Variants in CREB3L3 observed in about 807,000 individuals in gnomAD.
CREB3L3 encodes cAMP responsive element binding protein 3 like 3.
In CREB3L3, 40 loss-of-function variants were observed where a neutral mutation model predicts 44.6. The ratio of observed to expected loss-of-function variants is 0.90; its 90% CI spans 0.70 to 1.17. The LOEUF (loss-of-function observed/expected upper bound fraction) is 1.17. Ranked by LOEUF, CREB3L3 falls within the 50% of genes most tolerant of loss-of-function variation. CREB3L3 has a pLI of 0.00. For missense variants in CREB3L3, 578 were observed against 595.8 expected (o/e 0.97, Z 0.31); for synonymous variants, 273 against 256.3 (o/e 1.06, Z -0.62).
chr19:4,171,720 C>T lies in CREB3L3; in HGVS notation c.1137C>T (p.Ser379=), dbSNP rs559872653. 16 of 1,613,260 alleles carry T rather than the reference C, an allele frequency of 9.9e-6. No individual in the cohort carries two copies. In the East Asian group the frequency reaches 2.7e-4, roughly 27 times the overall value. The change falls in exon 10 of 10, where the codon TCC becomes TCT. Residue 379 remains serine, a synonymous_variant. Transcript: ENST00000078445. This position sits in a 1 kb window ranked among gnomAD's most constrained non-coding sequence, Gnocchi z 4.9. ...TGGCTGCTGATGCTGTGCCAGGCTC[C>T]GAGGCCCCAGGACCCCGACCCGAGG... ...SRVAADAVPG[S]EAPGPRPEAD...
chr19:4,168,574 C>A, intron 6 of CREB3L3, 117 bp downstream of exon 6: 2 of 749,472 alleles, frequency 2.7e-6, no homozygotes, highest in Non-Finnish European at 4.6e-6. Flanking sequence ...TGATTCTCCT[C>A]TCTGGGAGAG....
At chr19:4,163,695 T>C (rs1402340671) in intron 4 of CREB3L3, among the ~76,000 whole-genome samples, 1 of 151,884 alleles carries the variant, frequency 6.6e-6, no homozygotes, top group Non-Finnish European at 1.5e-5. Context: ...GTATTTTTAA[T>C]GGAGACAGGG....
rs66603362 is a variant in CREB3L3 at position 4,159,512 on chromosome 19, C to T, written c.458-152C>T. 0.14 allele frequency: 90,200 copies of T among 666,810 alleles called. 6,641 individuals are homozygous for T. Among genetic ancestry groups the T allele is most frequent in the Non-Finnish European group, 0.16 (57,933 of 364,966 alleles). 41.3% of individuals were successfully genotyped at this position (666,810 alleles called of 1,614,324 possible). A position where few individuals can be genotyped will look rare whatever the true frequency, so the allele number is the denominator to read the frequency against. On this transcript the variant is annotated intron_variant, in intron 3 of 9. Coordinates refer to ENST00000078445, the MANE Select transcript of CREB3L3 (RefSeq NM_032607.3). The stretch of plus-strand genomic sequence containing the variant: ...CTAGTGAGGGCTGCCCCCTTCAACT[C>T]AGGCCTTGGGGACTCCAAACTCTGG...
At chr19:4,165,801 C>T (rs560073741) in intron 5 of CREB3L3, among the ~76,000 whole-genome samples, 35 of 152,038 alleles carry the variant, frequency 2.3e-4, no homozygotes, top group Non-Finnish European at 3.1e-4. Context: ...CCCTTGAACC[C>T]GGGAGGTGGA....
At chr19:4,167,410 GAAAAGAAAGAAAA>G (rs1966932788) in intron 5 of CREB3L3, among the ~76,000 whole-genome samples, 1 of 132,008 alleles carries the variant, frequency 7.6e-6, no homozygotes, top group Non-Finnish European at 1.7e-5. Context: ...AGAAAGAAAG[GAAAAGAAAGAAAA>G]GAAAGAAAGA....
chr19:4,155,237 G>GTTCCC (rs2041556851), intron 2 of CREB3L3, among the ~76,000 whole-genome samples: 1 of 152,208 alleles, frequency 6.6e-6, no homozygotes, highest in African/African-American at 2.4e-5. Context: ...GAGGCCCAGA[G>GTTCCC]CAGGGTGGAA....
intron 3 of CREB3L3, among the ~76,000 whole-genome samples, 186 bp from the exon 4 acceptor site, chr19:4,159,478 A>G (rs904315940): frequency 2.6e-5 from 4 of 152,086 alleles, no homozygotes; most frequent in Admixed American, 6.6e-5. Flanking sequence ...CAGAGGGGAG[A>G]CCGAGTCACT....
At position 4,171,441 on chromosome 19, in the gene CREB3L3, A is replaced by G; in HGVS notation, c.1034A>G (p.Asn345Ser). ...CCCTCCATCAGCCCTTTTGGCCCCAACAAAACCGAGAGCCCTGGGGACTTT... is the reference window on the plus strand; with the variant it reads ...CCCTCCATCAGCCCTTTTGGCCCCAGCAAAACCGAGAGCCCTGGGGACTTT... ...ILPSISPFGP[N>S]KTESPGDFAP... Residue 345 changes from asparagine (N) to serine (S), a missense_variant, in exon 9 of 10, where the codon AAC (asparagine) becomes AGC (serine). Asn to Ser is a conservative substitution (Grantham distance 46, BLOSUM62 1). Coordinates refer to ENST00000078445, the MANE Select transcript of CREB3L3 (RefSeq NM_032607.3). This position sits in a 1 kb window ranked among gnomAD's most constrained non-coding sequence, Gnocchi z 4.9. 1.2e-6 allele frequency: 2 copies of G among 1,614,044 alleles called. No homozygotes were observed. The highest frequency in any genetic ancestry group is 1.7e-6 in the Non-Finnish European group (2 of 1,179,980).
Position 4,164,602 on chromosome 19 carries a change from G to A in CREB3L3, c.676G>A (p.Glu226Lys), listed in dbSNP as rs760045226. 6.2e-7 allele frequency: 1 copy of A among 1,614,126 alleles called. No homozygotes were observed. The highest frequency in any genetic ancestry group is 8.5e-7 in the Non-Finnish European group (1 of 1,180,042). ...TEDEKKLLAKEGITLPTQLPL... is the reference protein window; with the variant it reads ...TEDEKKLLAKKGITLPTQLPL... ...GGATGAGAAGAAGCTGCTGGCTAAA[G>A]AAGGCATCACCCTGCCCACTCAGCT... Residue 226 changes from glutamate to lysine, a missense_variant, in exon 5 of 10, where the codon GAA (glutamate) becomes AAA (lysine). Glu to Lys is a moderately conservative substitution (Grantham distance 56, BLOSUM62 1). Coordinates refer to ENST00000078445, the MANE Select transcript of CREB3L3 (RefSeq NM_032607.3).
chr19:4,164,877 TTTTGTATC>T (rs2041706036), intron 5 of CREB3L3, among the ~76,000 whole-genome samples: 1 of 151,818 alleles, frequency 6.6e-6, no homozygotes, highest in Non-Finnish European at 1.5e-5. Context: ...CCCAGCTAAT[TTTTGTATC>T]TTTAGTAGAG....
intron 2 of CREB3L3, 75 bp downstream of exon 2, chr19:4,155,102 G>T: frequency 6.4e-7 from 1 of 1,574,342 alleles, no homozygotes; most frequent in Non-Finnish European, 8.6e-7. Flanking sequence ...GAAGGTGCTA[G>T]ACCCGCCAGA....
intron 4 of CREB3L3, among the ~76,000 whole-genome samples, chr19:4,163,351 AGAAGGAAGGAAGGAAGGAAG>A (rs1555703364): frequency 7.7e-5 from 9 of 117,262 alleles, no homozygotes; most frequent in African/African-American, 2.0e-4. Context: ...AAAGAAAGAA[AGAAGGAAGGAAGGAAGGAAG>A]GAAAGAAAGA....
chr19:4,158,412 A>T (rs1334237624), intron 3 of CREB3L3, among the ~76,000 whole-genome samples: 2 of 151,774 alleles, frequency 1.3e-5, no homozygotes, highest in Non-Finnish European at 2.9e-5. Flanking sequence ...CAGGAGAATC[A>T]CCTGAACCCG....
Position 4,172,697 on chromosome 19 carries a change from A to G in CREB3L3, c.*728A>G, listed in dbSNP as rs1967085045. ...CAGACACAGCCTGAAACAGACCCAGACAGACAGACAGACACAGCCTGAAAC... is the reference window on the plus strand; with the variant it reads ...CAGACACAGCCTGAAACAGACCCAGGCAGACAGACAGACACAGCCTGAAAC... On this transcript the variant is annotated 3_prime_UTR_variant, in exon 10 of 10. Transcript: ENST00000078445. The G allele has an allele frequency of 8.9e-6, 2 of 225,454 alleles. No homozygotes were observed. Among genetic ancestry groups the G allele is most frequent in the Non-Finnish European group, 1.8e-5 (2 of 113,370 alleles). 14.0% of individuals were successfully genotyped at this position (225,454 alleles called of 1,614,324 possible).
chr19:4,155,050 C>T, intron 2 of CREB3L3, 23 bp downstream of exon 2: 2 of 1,601,810 alleles, frequency 1.2e-6, no homozygotes, highest in Non-Finnish European at 1.7e-6. Flanking sequence ...CTGCAGTTGC[C>T]CCGGGACCAC....
In CREB3L3 at chr19:4,171,640, C is replaced by T. The variant is rs1355922457; in HGVS notation, c.1073-16C>T. ...CCTCCACCTTGTCCCCTGTGATGCC[C>T]CCCTTCCCCAATCAGTGTTCTCCAG... is the stretch of plus-strand genomic sequence containing the variant. On this transcript the variant is annotated splice_polypyrimidine_tract_variant and intron_variant, in intron 9 of 9. Transcript: ENST00000078445. The surrounding 1 kb of genome is among the most constrained non-coding windows in gnomAD (Gnocchi z 4.9). 1.2e-6 allele frequency: 2 copies of T among 1,613,194 alleles called. No individual in the cohort carries two copies. The highest frequency in any genetic ancestry group is 1.1e-5 in the South Asian group (1 of 91,064).
chr19:4,164,200 CCT>C (rs1200259800), intron 4 of CREB3L3, among the ~76,000 whole-genome samples: 3 of 151,774 alleles, frequency 2.0e-5, no homozygotes, highest in African/African-American at 7.3e-5. Flanking sequence ...GTCTCAAACT[CCT>C]GACCTAGTGA....
chr19:4,161,551 T>A (rs746933166), intron 4 of CREB3L3, among the ~76,000 whole-genome samples: 1 of 152,194 alleles, frequency 6.6e-6, no homozygotes, highest in Non-Finnish European at 1.5e-5. Flanking sequence ...TGCACACCAA[T>A]TGAAGGCCAT....
Position 4,153,686 on chromosome 19 carries a change from G to T in CREB3L3, c.-62G>T. 6.2e-7 allele frequency: 1 copy of T among 1,603,972 alleles called. No individual in the cohort carries two copies. Among genetic ancestry groups the T allele is most frequent in the Non-Finnish European group, 8.5e-7 (1 of 1,172,062 alleles). On this transcript the variant is annotated 5_prime_UTR_variant, in exon 1 of 10. Coordinates refer to ENST00000078445, the MANE Select transcript of CREB3L3 (RefSeq NM_032607.3). ...CGGCCCCAGGTAACGCTGGCGGTGG[G>T]TGGGCCTCCAGCTTGGAGCAGAGAC... is the stretch of plus-strand genomic sequence containing the variant.
Sources: allele counts gnomAD v4.1 joint callset (sites outside exome capture counted in the v4.1 genomes callset), GRCh38; gene constraint gnomAD v4.1.1; non-coding constraint Gnocchi (gnomAD v3.1); transcripts MANE v1.5; gene names NCBI Gene and HGNC (gene_info 2026-07-23, HGNC 2026-07-21).